The following ATP8A1 variants were observed in gnomAD, a reference collection of about 807,000 sequenced individuals.
The protein encoded by ATP8A1 is ATPase phospholipid transporting 8A1, also known as phospholipid-transporting ATPase IA.
Under a neutral mutation model 177.7 loss-of-function variants are expected in ATP8A1, and 90 were observed. The ratio of observed to expected loss-of-function variants is 0.51; its 90% CI spans 0.43 to 0.60. The LOEUF is 0.60. Among genes scored for constraint, ATP8A1 ranks in the 20% least tolerant of loss-of-function variants. The probability of loss-of-function intolerance (pLI) is 0.00; values close to 1 mark genes in which losing one functional copy is unlikely to be tolerated. For missense variants in ATP8A1, 1,072 were observed against 1,392.8 expected (o/e 0.77, Z 3.67); for synonymous variants, 493 against 485.9 (o/e 1.01, Z -0.19).
At chr4:42,448,934 C>G (rs1416085289) in intron 30 of ATP8A1, among the ~76,000 whole-genome samples, 1 of 142,024 alleles carries the variant, frequency 7.0e-6, no homozygotes, top group South Asian at 2.3e-4. Context: ...CTCCTAGGTT[C>G]AAGCGATTTT....
intron 11 of ATP8A1, among the ~76,000 whole-genome samples, chr4:42,579,570 C>T (rs1249904298): frequency 6.6e-6 from 1 of 151,702 alleles, no homozygotes; most frequent in Non-Finnish European, 1.5e-5. Context: ...AATGACTATA[C>T]TTAGTGAACA....
At chr4:42,535,605 A>G (rs1727743069) in intron 20 of ATP8A1, among the ~76,000 whole-genome samples, 2 of 152,228 alleles carry the variant, frequency 1.3e-5, no homozygotes, top group South Asian at 4.1e-4. Flanking sequence ...GTACTCTCGA[A>G]CAAATGGACT....
intron 22 of ATP8A1, among the ~76,000 whole-genome samples, chr4:42,516,557 CAG>C (rs1425277594): frequency 6.6e-6 from 1 of 152,156 alleles, no homozygotes; most frequent in Non-Finnish European, 1.5e-5. Flanking sequence ...TTCAGAAACA[CAG>C]AAATTATTAG....
intron 20 of ATP8A1, among the ~76,000 whole-genome samples, chr4:42,529,596 G>A (rs1727055031): frequency 6.6e-6 from 1 of 152,194 alleles, no homozygotes; most frequent in South Asian, 2.1e-4. Context: ...TCCTACCACT[G>A]TGCCTTCTCT....
chr4:42,450,341 T>C (rs1448275571), intron 30 of ATP8A1, among the ~76,000 whole-genome samples: 6 of 152,168 alleles, frequency 3.9e-5, no homozygotes, highest in Admixed American at 6.5e-5. Context: ...CAGGGAGTGA[T>C]TGCCAATGGA....
At chr4:42,431,490 T>G (rs554668312) in intron 33 of ATP8A1, among the ~76,000 whole-genome samples, 31 of 98,734 alleles carry the variant, frequency 3.1e-4, no homozygotes, top group African/African-American at 1.0e-3. Context: ...TACTAACCAT[T>G]CACATAACTG....
rs115024405 is a variant in ATP8A1 at position 42,501,632 on chromosome 4, G to A, written c.2151+1818C>T. Among the ~76,000 whole-genome samples the A allele has an allele frequency of 6.3e-3, 961 of 152,264 alleles. 11 individuals are homozygous for A. The highest frequency in any genetic ancestry group is 0.022 in the African/African-American group (915 of 41,548). On this transcript the variant is annotated intron_variant, in intron 24 of 36. Coordinates refer to ENST00000381668, the MANE Select transcript of ATP8A1 (RefSeq NM_006095.2). ...TACAATTTGAACACAGATTGGATGC[G>A]TTCCATTTCCATATCAACGAAAAAA...
chr4:42,634,284 A>G lies in ATP8A1; in HGVS notation c.50-7175T>C, dbSNP rs139244957. On this transcript the variant is annotated intron_variant, in intron 1 of 36. Coordinates refer to ENST00000381668, the MANE Select transcript of ATP8A1 (RefSeq NM_006095.2). Reference sequence around the variant, plus strand: ...GCTACTCCACGCAAAAGCCCAAGACATGAAAGAAATGTAGGATTTTTAAAA... The same window carrying G: ...GCTACTCCACGCAAAAGCCCAAGACGTGAAAGAAATGTAGGATTTTTAAAA... 5.8e-3 allele frequency among the ~76,000 whole-genome samples: 885 copies of G among 152,336 alleles called. 11 individuals are homozygous for G. Among genetic ancestry groups the G allele is most frequent in the South Asian group, 0.023 (111 of 4,830 alleles).
rs751819664 is a variant in ATP8A1 at position 42,413,757 on chromosome 4, CCA to C, written c.3398-746_3398-745del. On this transcript the variant is annotated intron_variant, in intron 36 of 36. Coordinates refer to ENST00000381668, the MANE Select transcript of ATP8A1 (RefSeq NM_006095.2). ...ATACTTGACTCACAGCGGGCTGAAT[CCA>C]CAGATGTGGAACCCACTGATAGAAA... Among the ~76,000 whole-genome samples, 124 of 152,286 alleles carry C rather than the reference CCA, an allele frequency of 8.1e-4. No individual in the cohort carries two copies. The Middle Eastern group carries it at 0.024, about 29-fold the overall frequency.
At chr4:42,413,463 T>TC (rs1374441084) in intron 36 of ATP8A1, among the ~76,000 whole-genome samples, 1 of 152,158 alleles carries the variant, frequency 6.6e-6, no homozygotes, top group Non-Finnish European at 1.5e-5. Context: ...CCATGTACGG[T>TC]CCCTTGGTAT....
intron 32 of ATP8A1, among the ~76,000 whole-genome samples, chr4:42,444,305 C>T (rs1414811906): frequency 6.6e-6 from 1 of 152,136 alleles, no homozygotes; most frequent in Non-Finnish European, 1.5e-5. Flanking sequence ...AAAGTCTCAC[C>T]ACTTCCTGGG....
intron 34 of ATP8A1, 28 bp downstream of exon 34, chr4:42,423,589 C>T (rs753954548): frequency 6.8e-7 from 1 of 1,475,058 alleles, no homozygotes. Context: ...ATCTATATTT[C>T]TCCGTATATA....
chr4:42,476,541 C>A (rs1039735559), intron 25 of ATP8A1, among the ~76,000 whole-genome samples: 1 of 151,936 alleles, frequency 6.6e-6, no homozygotes, highest in East Asian at 1.9e-4. Context: ...ATTGCTTGAA[C>A]CTGGGAGGCA....
chr4:42,646,347 T>C (rs1740533447), intron 1 of ATP8A1, among the ~76,000 whole-genome samples: 1 of 152,180 alleles, frequency 6.6e-6, no homozygotes, highest in Non-Finnish European at 1.5e-5. Flanking sequence ...GCATGCCTCA[T>C]CTTTAGAGTG....
At chr4:42,527,366 C>G (rs975690506) in intron 20 of ATP8A1, among the ~76,000 whole-genome samples, 3 of 152,146 alleles carry the variant, frequency 2.0e-5, no homozygotes, top group African/African-American at 7.2e-5. Context: ...GTGGGAGGAC[C>G]CTGATGAAGC....
Position 42,567,801 on chromosome 4 carries a change from T to C in ATP8A1, c.1340+1360A>G, listed in dbSNP as rs115559105. ...AATAAAAGTTATGAAACAACCTCTA[T>C]TGAAAGTAGAATATTTTGAATGACG... On this transcript the variant is annotated intron_variant, in intron 15 of 36. Transcript: ENST00000381668. 4.0e-3 allele frequency among the ~76,000 whole-genome samples: 603 copies of C among 152,316 alleles called. 10 individuals carry two copies. Among genetic ancestry groups the C allele is most frequent in the African/African-American group, 0.014 (578 of 41,564 alleles).
chr4:42,468,470 T>C (rs28733041), intron 25 of ATP8A1, among the ~76,000 whole-genome samples: 80,229 of 150,788 alleles, frequency 0.53, 21,781 homozygotes, highest in East Asian at 0.81. Flanking sequence ...CACATACACA[T>C]ATATGAATGA....
At chr4:42,422,002 C>G (rs1443458183) in intron 35 of ATP8A1, among the ~76,000 whole-genome samples, 1 of 151,820 alleles carries the variant, frequency 6.6e-6, no homozygotes, top group Non-Finnish European at 1.5e-5. Flanking sequence ...ATATATGATA[C>G]ATATCTAGGT....
intron 15 of ATP8A1, among the ~76,000 whole-genome samples, chr4:42,560,905 T>G (rs1215734741): frequency 6.6e-6 from 1 of 152,074 alleles, no homozygotes; most frequent in Non-Finnish European, 1.5e-5. Context: ...AACCTAATAT[T>G]TTTCCCATTT....
Sources: gnomAD v4.1 joint callset for allele counts (sites outside exome capture counted in the v4.1 genomes callset) on GRCh38, gnomAD v4.1.1 for gene constraint, MANE v1.5 for transcripts, NCBI Gene and HGNC (gene_info 2026-07-23, HGNC 2026-07-21) for gene names.